The following EDARADD variants were observed in gnomAD, a reference collection of about 807,000 sequenced individuals.
EDARADD encodes ectodysplasin-A receptor-associated adapter protein.
Under a neutral mutation model 25.6 loss-of-function variants are expected in EDARADD, and 20 were observed. The observed-to-expected ratio is 0.78, with a 90% CI of 0.55 to 1.14. The LOEUF (loss-of-function observed/expected upper bound fraction) is 1.14, where lower values mean the gene tolerates loss of function less well. Ranked by LOEUF, EDARADD falls within the 50% of genes most tolerant of loss-of-function variation. EDARADD has a pLI of 0.00. For missense variants in EDARADD, 225 were observed against 270.1 expected, an observed-to-expected ratio of 0.83 and a Z score of 1.17; for synonymous variants, 86 against 94.4, an observed-to-expected ratio of 0.91 and a Z score of 0.52.
intron 3 of EDARADD, among the ~76,000 whole-genome samples, chr1:236,359,421 G>A (rs1040939421): frequency 6.6e-6 from 1 of 152,208 alleles, no homozygotes; most frequent in East Asian, 1.9e-4. Context: ...TCCGCCATGT[G>A]AGGACATAGT....
At chr1:236,397,629 A>C (rs917388091) in intron 1 of EDARADD, among the ~76,000 whole-genome samples, 2 of 152,160 alleles carry the variant, frequency 1.3e-5, no homozygotes, top group African/African-American at 4.8e-5. Context: ...TTCAAGAGGT[A>C]GAACCCAAAC....
intron 3 of EDARADD, among the ~76,000 whole-genome samples, chr1:236,369,639 C>G (rs558694239): frequency 5.9e-5 from 9 of 151,970 alleles, no homozygotes; most frequent in Non-Finnish European, 1.3e-4. Flanking sequence ...GTCAGGAGTT[C>G]GAGACCAGCC....
intron 2 of EDARADD, among the ~76,000 whole-genome samples, chr1:236,410,052 T>C (rs1314967622): frequency 6.6e-6 from 1 of 152,100 alleles, no homozygotes; most frequent in Non-Finnish European, 1.5e-5. Flanking sequence ...AGATTTCACA[T>C]ATATTGGTTT....
At chr1:236,482,174 T>C (rs1425643682) in intron 5 of EDARADD, 93 bp from the exon 6 acceptor site, 2 of 1,492,422 alleles carry the variant, frequency 1.3e-6, no homozygotes, top group Non-Finnish European at 1.9e-6. Flanking sequence ...TATGATGCTT[T>C]TGACAATTCA....
At chr1:236,426,398 T>C (rs650843) in intron 3 of EDARADD, among the ~76,000 whole-genome samples, 68,344 of 152,048 alleles carry the variant, frequency 0.45, 17,657 homozygotes, top group Non-Finnish European at 0.59. Flanking sequence ...GTCACATATA[T>C]GCACAGCCCA....
chr1:236,400,720 ATTTTTTT>A (rs55864840), intron 1 of EDARADD, among the ~76,000 whole-genome samples: 2 of 121,164 alleles, frequency 1.7e-5, no homozygotes, highest in African/African-American at 6.2e-5. Context: ...ACACCCGGCT[ATTTTTTT>A]TTTTTTTTTT....
intron 3 of EDARADD, among the ~76,000 whole-genome samples, chr1:236,362,736 C>G (rs1416196336): frequency 6.6e-6 from 1 of 151,696 alleles, no homozygotes. Flanking sequence ...GTGAAGTATT[C>G]AAATTCTTTT....
chr1:236,393,778 AATTG>A (rs1667464614), upstream of EDARADD, among the ~76,000 whole-genome samples: 2 of 152,174 alleles, frequency 1.3e-5, no homozygotes, highest in Admixed American at 6.5e-5. Context: ...TGTGACAGCA[AATTG>A]ATTGTATGGG....
At chr1:236,358,689 G>C (rs2264689) in intron 3 of EDARADD, among the ~76,000 whole-genome samples, 48,275 of 152,054 alleles carry the variant, frequency 0.32, 7,756 homozygotes, top group East Asian at 0.41. Flanking sequence ...TTTTGAGTGA[G>C]TTTCTTAATC....
At chr1:236,478,383 G>GTT (rs1439908726) in intron 5 of EDARADD, among the ~76,000 whole-genome samples, 1 of 148,856 alleles carries the variant, frequency 6.7e-6, no homozygotes, top group African/African-American at 2.5e-5. Flanking sequence ...GTGTGTGTGT[G>GTT]TGTATGGATT....
chr1:236,447,212 C>CTT (rs1176725852), intron 4 of EDARADD, among the ~76,000 whole-genome samples: 2 of 29,482 alleles, frequency 6.8e-5, no homozygotes, highest in African/African-American at 1.8e-4. Flanking sequence ...TTCTTTCTTT[C>CTT]TTTCTTTCTT....
At chr1:236,368,273 C>A (rs914406785) in intron 3 of EDARADD, among the ~76,000 whole-genome samples, 5 of 152,110 alleles carry the variant, frequency 3.3e-5, no homozygotes, top group Non-Finnish European at 7.3e-5. Flanking sequence ...CATTTAAGGT[C>A]TTCAGTCGGG....
chr1:236,420,011 C>T (rs1657741843), intron 3 of EDARADD, among the ~76,000 whole-genome samples: 1 of 152,134 alleles, frequency 6.6e-6, no homozygotes, highest in Admixed American at 6.5e-5. Context: ...TACCCCGTCT[C>T]TACTAAAAAT....
At chr1:236,357,162 C>T (rs1056510683) in intron 3 of EDARADD, among the ~76,000 whole-genome samples, 7 of 151,428 alleles carry the variant, frequency 4.6e-5, no homozygotes, top group Non-Finnish European at 8.8e-5. Flanking sequence ...TCTTTGAGTA[C>T]ATATCTTTCT....
At chr1:236,413,933 T>C (rs1272407797) in intron 2 of EDARADD, among the ~76,000 whole-genome samples, 5 of 152,186 alleles carry the variant, frequency 3.3e-5, no homozygotes, top group African/African-American at 1.2e-4. Flanking sequence ...GTCCTCATAA[T>C]TCATGACAAC....
At chr1:236,424,082 G>C (rs1657848189) in intron 3 of EDARADD, among the ~76,000 whole-genome samples, 1 of 151,514 alleles carries the variant, frequency 6.6e-6, no homozygotes, top group Non-Finnish European at 1.5e-5. Flanking sequence ...CTCCAGCCTG[G>C]GTGACAGAAC....
intron 1 of EDARADD, among the ~76,000 whole-genome samples, chr1:236,400,283 T>C (rs1042927891): frequency 2.0e-5 from 3 of 152,120 alleles, no homozygotes; most frequent in African/African-American, 7.2e-5. Flanking sequence ...CCCTGCCCTC[T>C]TCTGTTTGAT....
chr1:236,400,124 CT>C (rs1345344937), intron 1 of EDARADD, among the ~76,000 whole-genome samples: 1 of 152,188 alleles, frequency 6.6e-6, no homozygotes, highest in Non-Finnish European at 1.5e-5. Context: ...TCCTTCTGCC[CT>C]TTCTCTTTCT....
Position 236,483,608 on chromosome 1 carries a change from G to T in EDARADD, c.*959G>T. Reference sequence around the variant, plus strand: ...ACTCCAAAGTCATCTTGCCAGTCCCGGTGTTCAATGTCATCAATGGCAGTT... The same window carrying T: ...ACTCCAAAGTCATCTTGCCAGTCCCTGTGTTCAATGTCATCAATGGCAGTT... On this transcript the variant is annotated 3_prime_UTR_variant, in exon 6 of 6. Transcript: ENST00000334232. 6.6e-7 allele frequency: 1 copy of T among 1,521,278 alleles called. No homozygotes were observed. The highest frequency in any genetic ancestry group is 9.1e-7 in the Non-Finnish European group (1 of 1,097,626). The allele number at this position is 1,521,278 out of a possible 1,614,324, so 94.2% of individuals were successfully genotyped here.
Sources: allele counts gnomAD v4.1 joint callset (sites outside exome capture counted in the v4.1 genomes callset), GRCh38; gene constraint gnomAD v4.1.1; transcripts MANE v1.5; gene names NCBI Gene and HGNC (gene_info 2026-07-23, HGNC 2026-07-21).